NEDD4L: variants seen among roughly 807,000 people sequenced by gnomAD.
NEDD4L encodes the protein E3 ubiquitin-protein ligase NEDD4-like.
In NEDD4L, 54 loss-of-function variants were observed where a neutral mutation model predicts 148.9. That is an observed-to-expected ratio of 0.36 (90% CI 0.29 to 0.45). The LOEUF (loss-of-function observed/expected upper bound fraction) is 0.45, where lower values mean the gene tolerates loss of function less well. Ranked by LOEUF, NEDD4L falls within the 20% of genes least tolerant of loss-of-function variation. The pLI, the probability that NEDD4L is intolerant of heterozygous loss-of-function variation, is 1.00. For synonymous variants in NEDD4L, 433 were observed against 440.7 expected, an observed-to-expected ratio of 0.98 and a Z score of 0.22; for missense variants, 856 against 1,233.8, an observed-to-expected ratio of 0.69 and a Z score of 4.59.
chr18:58,126,087 G>T (rs755390390), intron 1 of NEDD4L, among the ~76,000 whole-genome samples: 1 of 152,200 alleles, frequency 6.6e-6, no homozygotes, highest in African/African-American at 2.4e-5. Context: ...CCGTTGCTCC[G>T]AGAGGCCTGA....
At chr18:58,303,591 A>G (rs1258640684) in intron 5 of NEDD4L, among the ~76,000 whole-genome samples, 1 of 152,162 alleles carries the variant, frequency 6.6e-6, no homozygotes, top group African/African-American at 2.4e-5. Context: ...GAACTATGTC[A>G]CACTCTCTGT....
At chr18:58,283,043 A>C (rs772953572) in intron 5 of NEDD4L, among the ~76,000 whole-genome samples, 2 of 151,506 alleles carry the variant, frequency 1.3e-5, no homozygotes, top group Non-Finnish European at 2.9e-5. Flanking sequence ...GATAAATTGC[A>C]CACTGCCTTA....
At chr18:58,218,146 G>A (rs1331191901) in intron 2 of NEDD4L, among the ~76,000 whole-genome samples, 1 of 151,988 alleles carries the variant, frequency 6.6e-6, no homozygotes, top group African/African-American at 2.4e-5. Context: ...ATTCCTTTTG[G>A]CTATGTTGCC....
At chr18:58,090,580 C>T (rs991166522) in intron 1 of NEDD4L, among the ~76,000 whole-genome samples, 20 of 152,246 alleles carry the variant, frequency 1.3e-4, no homozygotes, top group Middle Eastern at 6.8e-3. Context: ...CTGGTTCAAG[C>T]GATTCTCCTG....
At chr18:58,055,905 CTTA>C (rs1023557776) in intron 1 of NEDD4L, among the ~76,000 whole-genome samples, 9 of 152,094 alleles carry the variant, frequency 5.9e-5, no homozygotes, top group African/African-American at 9.7e-5. Flanking sequence ...TCCATTTCTC[CTTA>C]TTATTGTTTT....
In NEDD4L at chr18:58,285,326, G is replaced by T. The variant is rs557385378; in HGVS notation, c.298-30656G>T. ...TCCACAATGAGATGATGTGTGTGTG[G>T]GTGTGTGTGTGTGTGTGTTTGAGAT... On this transcript the variant is annotated intron_variant, in intron 5 of 30. Transcript: ENST00000400345. Among the ~76,000 whole-genome samples the T allele has an allele frequency of 8.7e-3, 1,315 of 150,648 alleles. 12 individuals carry two copies. The highest frequency in any genetic ancestry group is 0.012 in the Non-Finnish European group (840 of 67,496).
chr18:58,214,290 T>C (rs192043856), intron 2 of NEDD4L, among the ~76,000 whole-genome samples: 43 of 152,346 alleles, frequency 2.8e-4, no homozygotes, highest in East Asian at 7.7e-4. Flanking sequence ...GGTTTTGTTT[T>C]TCTTTCAACC....
At chr18:58,383,190 A>G in intron 24 of NEDD4L, 56 bp from the exon 25 acceptor site, 1 of 889,966 alleles carries the variant, frequency 1.1e-6, no homozygotes, top group South Asian at 1.4e-5. Flanking sequence ...TCACTCAATA[A>G]TAATATGCAA....
chr18:58,177,828 A>G (rs564447640), intron 2 of NEDD4L, among the ~76,000 whole-genome samples: 1 of 152,238 alleles, frequency 6.6e-6, no homozygotes. Context: ...GAATAATTCT[A>G]TTTGGGGGAG....
At position 58,389,196 on chromosome 18, in the gene NEDD4L, A is replaced by T; in HGVS notation, c.2655+4A>T. The stretch of plus-strand genomic sequence containing the variant: ...CGTCATTCAGTGGTTCTGGAAGGTA[A>T]CTCCGGGGCCCAGCCCCAGCCGGTG... On this transcript the variant is annotated splice_donor_region_variant and intron_variant, in intron 28 of 30. Coordinates refer to ENST00000400345, the MANE Select transcript of NEDD4L (RefSeq NM_001144967.3). 1 of 1,607,096 alleles carries T rather than the reference A, an allele frequency of 6.2e-7. No homozygotes were observed. The highest frequency in any genetic ancestry group is 8.5e-7 in the Non-Finnish European group (1 of 1,174,462).
intron 2 of NEDD4L, among the ~76,000 whole-genome samples, chr18:58,194,367 G>C (rs1234446070): frequency 6.6e-6 from 1 of 152,196 alleles, no homozygotes; most frequent in Non-Finnish European, 1.5e-5. Flanking sequence ...TGCCCTGGTC[G>C]TTCTTATCTT....
At chr18:58,120,091 C>T (rs2086129340) in intron 1 of NEDD4L, among the ~76,000 whole-genome samples, 1 of 152,216 alleles carries the variant, frequency 6.6e-6, no homozygotes, top group Non-Finnish European at 1.5e-5. Context: ...TCTCCAGTCT[C>T]TGGATCCCTT....
At chr18:58,359,415 C>G (rs763283128) in intron 19 of NEDD4L, among the ~76,000 whole-genome samples, 1 of 152,190 alleles carries the variant, frequency 6.6e-6, no homozygotes. Context: ...TGTCTACTCT[C>G]CTTAACATCA....
intron 1 of NEDD4L, among the ~76,000 whole-genome samples, chr18:58,075,453 AGTTT>A (rs1392089514): frequency 6.6e-6 from 1 of 152,036 alleles, no homozygotes; most frequent in Non-Finnish European, 1.5e-5. Context: ...ATCCAGCCTT[AGTTT>A]GTTTCTGAGA....
At chr18:58,178,452 TA>T (rs11344086) in intron 2 of NEDD4L, among the ~76,000 whole-genome samples, 114,810 of 152,154 alleles carry the variant, frequency 0.75, 43,728 homozygotes, top group African/African-American at 0.85. Context: ...TGCTTTGTGT[TA>T]ATAAATGCAT....
intron 1 of NEDD4L, among the ~76,000 whole-genome samples, chr18:58,088,080 G>T (rs1054664628): frequency 6.6e-6 from 1 of 152,218 alleles, no homozygotes; most frequent in Non-Finnish European, 1.5e-5. Flanking sequence ...GCCGTTGCTG[G>T]CAGGAAGCCT....
intron 3 of NEDD4L, among the ~76,000 whole-genome samples, chr18:58,245,846 A>ATTTT (rs58940181): frequency 1.5e-4 from 14 of 91,548 alleles, no homozygotes; most frequent in African/African-American, 3.9e-4. Context: ...ATGCCTGGCT[A>ATTTT]TTTTTTTTTT....
At chr18:58,083,348 A>G (rs1280907213) in intron 1 of NEDD4L, among the ~76,000 whole-genome samples, 1 of 152,152 alleles carries the variant, frequency 6.6e-6, no homozygotes, top group Non-Finnish European at 1.5e-5. Flanking sequence ...AGTTCATGCT[A>G]TGGGATGGAA....
intron 24 of NEDD4L, 137 bp from the exon 25 acceptor site, chr18:58,383,109 T>A (rs985462593): frequency 4.9e-6 from 3 of 614,352 alleles, no homozygotes; most frequent in Non-Finnish European, 8.8e-6. Context: ...GGACATTCTC[T>A]TGTGCACAGA....
Sources: allele counts gnomAD v4.1 joint callset (sites outside exome capture counted in the v4.1 genomes callset), GRCh38; gene constraint gnomAD v4.1.1; transcripts MANE v1.5; gene names NCBI Gene and HGNC (gene_info 2026-07-23, HGNC 2026-07-21).